The following SPARC variants were observed in gnomAD, a reference collection of about 807,000 sequenced individuals.
The protein encoded by SPARC is secreted protein acidic and cysteine rich.
SPARC carries 23 observed loss-of-function variants against 37.7 expected under a neutral mutation model. The observed-to-expected ratio is 0.61, with a 90% CI of 0.44 to 0.87. The LOEUF (loss-of-function observed/expected upper bound fraction) is 0.87. Among genes scored for constraint, SPARC ranks in the 40% least tolerant of loss-of-function variants. The pLI is 0.00. For synonymous variants in SPARC, 155 were observed against 150.8 expected (o/e 1.03, Z -0.20); for missense variants, 312 against 389.0 (o/e 0.80, Z 1.66).
In SPARC at chr5:151,663,461, T is replaced by C; in HGVS notation, c.*110A>G. The C allele has an allele frequency of 4.7e-6, 5 of 1,053,928 alleles. No individual in the cohort carries two copies. The highest frequency in any genetic ancestry group is 7.3e-6 in the Non-Finnish European group (5 of 682,654). The allele number at this position is 1,053,928 out of a possible 1,614,324, so 65.3% of individuals were successfully genotyped here. On this transcript the variant is annotated 3_prime_UTR_variant, in exon 10 of 10. Coordinates refer to ENST00000231061, the MANE Select transcript of SPARC (RefSeq NM_003118.4). ...TTAATGTATTCACTTAAATCTATGT[T>C]AGCACCTTGTCTCCAGGCAGAACAA...
At chr5:151,665,204 A>G (rs1328440717) in intron 8 of SPARC, among the ~76,000 whole-genome samples, 2 of 152,028 alleles carry the variant, frequency 1.3e-5, no homozygotes, top group African/African-American at 4.8e-5. Context: ...CCCAAGCTGG[A>G]CCCCTTTCCC....
chr5:151,676,982 C>A (rs977171992), intron 1 of SPARC: 2 of 152,218 alleles, frequency 1.3e-5, no homozygotes, highest in Non-Finnish European at 1.5e-5. Context: ...GTACGGAAAC[C>A]ATCCAGATGC....
chr5:151,673,326 C>A, intron 3 of SPARC, 110 bp from the exon 4 acceptor site: 2 of 796,178 alleles, frequency 2.5e-6, no homozygotes, highest in Non-Finnish European at 4.5e-6. Flanking sequence ...GGTTGGGAAT[C>A]CAGATTTAAT....
chr5:151,680,033 C>A (rs1369370288), intron 1 of SPARC, among the ~76,000 whole-genome samples: 1 of 152,096 alleles, frequency 6.6e-6, no homozygotes, highest in East Asian at 1.9e-4. Context: ...CTACTGGTTA[C>A]AAGTGGTTAC....
At chr5:151,678,679 G>A (rs553062082) in intron 1 of SPARC, among the ~76,000 whole-genome samples, 56 of 152,316 alleles carry the variant, frequency 3.7e-4, no homozygotes, top group East Asian at 1.9e-3. Context: ...GAGTTGGGGT[G>A]AGCCTAATAG....
intron 1 of SPARC, among the ~76,000 whole-genome samples, chr5:151,678,048 G>A: frequency 6.6e-6 from 1 of 152,134 alleles, no homozygotes; most frequent in Admixed American, 6.5e-5. Flanking sequence ...TGTGGCTTGG[G>A]ACAAATGGAA....
chr5:151,685,244 CTCTT>C (rs1318202712), intron 1 of SPARC: 1 of 152,164 alleles, frequency 6.6e-6, no homozygotes, highest in African/African-American at 2.4e-5. Flanking sequence ...AGTTAACTCT[CTCTT>C]TCCTCAACCA....
intron 1 of SPARC, among the ~76,000 whole-genome samples, chr5:151,680,479 G>A (rs1040044657): frequency 2.6e-5 from 4 of 151,824 alleles, no homozygotes; most frequent in Non-Finnish European, 4.4e-5. Context: ...CAAGCCATCC[G>A]CCCGCCTCAG....
intron 3 of SPARC, 95 bp downstream of exon 3, chr5:151,674,517 A>T (rs765054474): frequency 4.5e-6 from 5 of 1,109,258 alleles, no homozygotes; most frequent in Non-Finnish European, 6.9e-6. Context: ...CGAATGCCCC[A>T]CTCTAGCATT....
chr5:151,664,139 A>C lies in SPARC; in HGVS notation c.831T>G (p.Asn277Lys). The C allele has an allele frequency of 6.2e-7, 1 of 1,614,186 alleles. No individual in the cohort carries two copies. Among genetic ancestry groups the C allele is most frequent in the Non-Finnish European group, 8.5e-7 (1 of 1,180,026 alleles). Residue 277 changes from asparagine (N) to lysine (K), a missense_variant, in exon 9 of 10, where the codon AAT becomes AAG. Coordinates refer to ENST00000231061, the MANE Select transcript of SPARC (RefSeq NM_003118.4). ...ACTCATCCAGGGCGATGTACTTGTC[A>C]TTGTCCAGGTCACAGGTCTCGAAAA... is the stretch of plus-strand genomic sequence containing the variant. ...TRFFETCDLD[N>K]DKYIALDEWA...
intron 3 of SPARC, among the ~76,000 whole-genome samples, chr5:151,673,926 T>C (rs1371513138): frequency 6.6e-6 from 1 of 151,522 alleles, no homozygotes; most frequent in African/African-American, 2.4e-5. Flanking sequence ...GTGTCAAGCC[T>C]CCACCCCTGC....
At position 151,663,548 on chromosome 5, in the gene SPARC, C is replaced by T. The variant is rs2113079725; in HGVS notation, c.*23G>A. The T allele has an allele frequency of 2.5e-6, 4 of 1,611,210 alleles. No individual in the cohort carries two copies. In the Middle Eastern group the frequency reaches 5.0e-4, roughly 199 times the overall value. ...CGAAGGGGAGGGTTAAAGAGAGAAT[C>T]CGGTACTGTGGAAGGAGTGGATTTA... On this transcript the variant is annotated 3_prime_UTR_variant, in exon 10 of 10. Transcript: ENST00000231061.
intron 8 of SPARC, among the ~76,000 whole-genome samples, chr5:151,665,290 C>T (rs1249400019): frequency 6.6e-6 from 1 of 152,192 alleles, no homozygotes; most frequent in Non-Finnish European, 1.5e-5. Flanking sequence ...ATTGCTTTGC[C>T]TGAGCTCCAG....
At chr5:151,666,626 A>C in intron 7 of SPARC, 117 bp from the exon 8 acceptor site, 77 of 850,340 alleles carry the variant, frequency 9.1e-5, no homozygotes, top group Non-Finnish European at 1.2e-4. Context: ...ACCAAAGCTC[A>C]CAGCGAGGGG....
chr5:151,673,457 A>G (rs927998917), intron 3 of SPARC, among the ~76,000 whole-genome samples: 1 of 152,116 alleles, frequency 6.6e-6, no homozygotes, highest in Non-Finnish European at 1.5e-5. Flanking sequence ...CAAAATCACT[A>G]AGCTAAGGGG....
intron 1 of SPARC, among the ~76,000 whole-genome samples, chr5:151,678,016 C>T (rs951028323): frequency 1.2e-4 from 19 of 152,020 alleles, no homozygotes; most frequent in African/African-American, 2.2e-4. Context: ...TTTTGGAAGA[C>T]GCAAGATAAA....
Position 151,667,577 on chromosome 5 carries a change from C to T in SPARC, c.475G>A (p.Glu159Lys). 6.2e-7 allele frequency: 1 copy of T among 1,614,174 alleles called. No homozygotes were observed. The highest frequency in any genetic ancestry group is 2.2e-5 in the East Asian group (1 of 44,884). ...ATGCGCAGGGGGAATTCGGTCAGCT[C>T]AGAGTCCAGGCAAGGGGGGATGTCT... is the stretch of plus-strand genomic sequence containing the variant. ...CKYIPPCLDS[E>K]LTEFPLRMRD... The change falls in exon 7 of 10, where the codon GAG (glutamate) becomes AAG (lysine). Residue 159 changes from glutamate (E) to lysine (K), a missense_variant. Glu to Lys is a moderately conservative substitution (Grantham distance 56, BLOSUM62 1). Coordinates refer to ENST00000231061, the MANE Select transcript of SPARC (RefSeq NM_003118.4).
intron 6 of SPARC, among the ~76,000 whole-genome samples, chr5:151,668,229 T>C (rs1760673946): frequency 6.6e-6 from 1 of 151,614 alleles, no homozygotes; most frequent in Non-Finnish European, 1.5e-5. Context: ...CACGGCTCAC[T>C]GCAGCCTCAG....
chr5:151,673,241 T>G (rs1467256037), intron 3 of SPARC, 25 bp from the exon 4 acceptor site: 1 of 1,519,828 alleles, frequency 6.6e-7, no homozygotes, highest in South Asian at 1.1e-5. Flanking sequence ...GAAGAATGGG[T>G]GAAATGGCCC....
Sources: allele counts gnomAD v4.1 joint callset (sites outside exome capture counted in the v4.1 genomes callset), GRCh38; gene constraint gnomAD v4.1.1; transcripts MANE v1.5; gene names NCBI Gene and HGNC (gene_info 2026-07-23, HGNC 2026-07-21).